The following ZNF17 variants were observed in gnomAD, a reference collection of about 807,000 sequenced individuals.
ZNF17 encodes the protein zinc finger protein 17, also known as zinc finger protein 17 (HPF3, KOX 10).
Under a neutral mutation model 7.7 loss-of-function variants are expected in ZNF17, and 4 were observed. That is an observed-to-expected ratio of 0.52 (90% CI 0.26 to 1.20). ZNF17 has a LOEUF of 1.20. Ranked by LOEUF, ZNF17 falls within the 50% of genes most tolerant of loss-of-function variation. The pLI is 0.14. For missense variants in ZNF17, 738 were observed against 799.5 expected (o/e 0.92, Z 0.93); for synonymous variants, 249 against 258.8 (o/e 0.96, Z 0.36).
chr19:57,413,672 A>G (rs2088793108), intron 2 of ZNF17, 36 bp downstream of exon 2: 4 of 1,535,440 alleles, frequency 2.6e-6, no homozygotes, highest in Non-Finnish European at 3.5e-6. Flanking sequence ...CACCCATCCC[A>G]GATGGTTTCA....
At position 57,421,765 on chromosome 19, in the gene ZNF17, T is replaced by C. The variant is rs903271957; in HGVS notation, c.*284T>C. ...GACAAGCACCGCTCTGTATGAATTT[T>C]ACTAGTCCGGGTACCTCATATAAGA... On this transcript the variant is annotated 3_prime_UTR_variant, in exon 4 of 4. Transcript: ENST00000307658. The C allele has an allele frequency of 4.4e-5, 13 of 292,616 alleles. No homozygotes were observed. Among genetic ancestry groups the C allele is most frequent in the African/African-American group, 1.7e-4 (8 of 46,126 alleles). The allele number at this position is 292,616 out of a possible 1,614,324, so 18.1% of individuals were successfully genotyped here.
In ZNF17 at chr19:57,420,605, C is replaced by T. The variant is rs1481213101; in HGVS notation, c.1119C>T (p.Cys373=). 6.2e-7 allele frequency: 1 copy of T among 1,614,088 alleles called. No individual in the cohort carries two copies. Among genetic ancestry groups the T allele is most frequent in the Admixed American group, 1.7e-5 (1 of 60,014 alleles). ...GTGGGAAATTCTTTATGGACAGCTG[C>T]ACACTCATTATTCACCAGAGAGTTC... ...CECGKFFMDS[C]TLIIHQRVHT... Residue 373 remains cysteine (C), a synonymous_variant, in exon 4 of 4, where the codon TGC becomes TGT. Coordinates refer to ENST00000307658, the MANE Select transcript of ZNF17 (RefSeq NM_001330617.2).
At position 57,421,253 on chromosome 19, in the gene ZNF17, T is replaced by C; in HGVS notation, c.1767T>C (p.Cys589=). The change falls in exon 4 of 4, where the codon TGT becomes TGC. Residue 589 remains cysteine, a synonymous_variant. Transcript: ENST00000307658. The part of the protein sequence containing the change: ...TRERTYKCSK[C]GKFFMDSSTL... Reference sequence around the variant, plus strand: ...AAAGAACTTACAAATGCAGCAAATGTGGGAAATTTTTTATGGACAGCTCCA... The same window carrying C: ...AAAGAACTTACAAATGCAGCAAATGCGGGAAATTTTTTATGGACAGCTCCA... 6.2e-7 allele frequency: 1 copy of C among 1,613,894 alleles called. No homozygotes were observed. Among genetic ancestry groups the C allele is most frequent in the Non-Finnish European group, 8.5e-7 (1 of 1,179,950 alleles).
Position 57,420,029 on chromosome 19 carries a change from T to C in ZNF17, c.543T>C (p.Gly181=). Residue 181 remains glycine (G), a synonymous_variant, in exon 4 of 4, where the codon GGT becomes GGC. Transcript: ENST00000307658. ...SGWKPHRDTH[G]VEAFQSGQNN... The stretch of plus-strand genomic sequence containing the variant: ...GGAAGCCACACAGGGACACTCATGG[T>C]GTGGAGGCCTTTCAAAGTGGACAGA... 6.2e-7 allele frequency: 1 copy of C among 1,614,186 alleles called. No individual in the cohort carries two copies. The highest frequency in any genetic ancestry group is 8.5e-7 in the Non-Finnish European group (1 of 1,180,044).
intron 1 of ZNF17, 184 bp from the exon 2 acceptor site, chr19:57,413,412 A>G (rs2088791231): frequency 1.7e-6 from 1 of 593,450 alleles, no homozygotes; most frequent in South Asian, 2.1e-5. Flanking sequence ...TTTAATCTCT[A>G]TTTTACACAT....
Position 57,419,954 on chromosome 19 carries a change from G to A in ZNF17, c.468G>A (p.Lys156=). The change falls in exon 4 of 4, where the codon AAG becomes AAA. Residue 156 remains lysine, a synonymous_variant. Coordinates refer to ENST00000307658, the MANE Select transcript of ZNF17 (RefSeq NM_001330617.2). ...KRNLTCMQGG[K]DFTGDSDLQQ... ...ACCTCACATGCATGCAGGGTGGCAAGGATTTTACTGGTGATTCAGATCTTC... is the reference window on the plus strand; with the variant it reads ...ACCTCACATGCATGCAGGGTGGCAAAGATTTTACTGGTGATTCAGATCTTC... 6.2e-7 allele frequency: 1 copy of A among 1,614,212 alleles called. No homozygotes were observed. The highest frequency in any genetic ancestry group is 8.5e-7 in the Non-Finnish European group (1 of 1,180,030).
At chr19:57,411,767 AC>A in intron 1 of ZNF17, 2 of 923,246 alleles carry the variant, frequency 2.2e-6, no homozygotes, top group Non-Finnish European at 2.7e-6. Context: ...AGGATGTTAA[AC>A]CAGGACAAGG....
chr19:57,418,006 T>C lies in ZNF17; in HGVS notation c.116T>C (p.Met39Thr), dbSNP rs755246407. The C allele has an allele frequency of 5.6e-6, 9 of 1,614,124 alleles. No individual in the cohort carries two copies. The highest frequency in any genetic ancestry group is 4.5e-5 in the East Asian group (2 of 44,874). The stretch of plus-strand genomic sequence containing the variant: ...CAGAGACACCTGCACAGCGATGTGA[T>C]GCTGGAGAACTTTGCACTTTTGTCC... ...DVQRHLHSDVMLENFALLSSV... is the reference protein window; with the variant it reads ...DVQRHLHSDVTLENFALLSSV... The change falls in exon 3 of 4, where the codon ATG (methionine) becomes ACG (threonine). Residue 39 changes from methionine (M) to threonine (T), a missense_variant. Physicochemically the swap from Met to Thr is moderately conservative, Grantham distance 81 (BLOSUM62 -1). This residue lies in a region of ZNF17 where 616 missense variants were observed against 663.9 expected (regional missense o/e 0.93). Coordinates refer to ENST00000307658, the MANE Select transcript of ZNF17 (RefSeq NM_001330617.2).
In ZNF17 at chr19:57,419,630, T is replaced by G. The variant is rs1374682040; in HGVS notation, c.149-5T>G. ...TCATGCACTTCATGAGCATTTCTGTTTTAGGTTGTTGGCATGGAGCCAAGG... is the reference window on the plus strand; with the variant it reads ...TCATGCACTTCATGAGCATTTCTGTGTTAGGTTGTTGGCATGGAGCCAAGG... On this transcript the variant is annotated splice_region_variant and splice_polypyrimidine_tract_variant and intron_variant, in intron 3 of 3. Coordinates refer to ENST00000307658, the MANE Select transcript of ZNF17 (RefSeq NM_001330617.2). 1.9e-6 allele frequency: 3 copies of G among 1,606,082 alleles called. No homozygotes were observed. Among genetic ancestry groups the G allele is most frequent in the Non-Finnish European group, 2.6e-6 (3 of 1,174,670 alleles).
At chr19:57,412,791 A>C (rs1291904712) in intron 1 of ZNF17, among the ~76,000 whole-genome samples, 1 of 152,056 alleles carries the variant, frequency 6.6e-6, no homozygotes, top group Non-Finnish European at 1.5e-5. Context: ...GTATCCTTCT[A>C]AATATGTACA....
At chr19:57,416,003 A>G (rs2088809261) in intron 2 of ZNF17, among the ~76,000 whole-genome samples, 1 of 152,000 alleles carries the variant, frequency 6.6e-6, no homozygotes, top group Admixed American at 6.6e-5. Context: ...TGGGGGATAG[A>G]GAAAGTCGTG....
rs2088792501 is a variant in ZNF17 at position 57,413,600 on chromosome 19, C to T, written c.-16C>T. 1.3e-6 allele frequency: 2 copies of T among 1,536,058 alleles called. No homozygotes were observed. The highest frequency in any genetic ancestry group is 1.7e-6 in the Non-Finnish European group (2 of 1,146,930). On this transcript the variant is annotated 5_prime_UTR_variant, in exon 2 of 4. Coordinates refer to ENST00000307658, the MANE Select transcript of ZNF17 (RefSeq NM_001330617.2). The stretch of plus-strand genomic sequence containing the variant: ...ATGGCCTGCCTCTTCCCACAGGGTT[C>T]ATAGCAGTGGCAGCAATGCTTATGG...
In ZNF17 at chr19:57,411,345, C is replaced by T. The variant is rs12974211; in HGVS notation, c.-82C>T. The T allele has an allele frequency of 1.2e-6, 2 of 1,605,304 alleles. No homozygotes were observed. Among genetic ancestry groups the T allele is most frequent in the Non-Finnish European group, 1.7e-6 (2 of 1,175,792 alleles). ...CCTCTGTCAGCGTCCAGGTCACTGCCGCTCCCGCCCCGCTCTTCCCTGGCT... is the reference window on the plus strand; with the variant it reads ...CCTCTGTCAGCGTCCAGGTCACTGCTGCTCCCGCCCCGCTCTTCCCTGGCT... On this transcript the variant is annotated 5_prime_UTR_variant, in exon 1 of 4. Coordinates refer to ENST00000307658, the MANE Select transcript of ZNF17 (RefSeq NM_001330617.2).
chr19:57,418,634 T>A lies in ZNF17; in HGVS notation c.148+596T>A, dbSNP rs138686187. Among the ~76,000 whole-genome samples, 569 of 152,236 alleles carry A rather than the reference T, an allele frequency of 3.7e-3. 2 individuals are homozygous for A. Among genetic ancestry groups the A allele is most frequent in the Middle Eastern group, 0.01 (3 of 294 alleles). ...CCCTGGGTGCCTGACAGAGTGGACA[T>A]TACTCCATTGAAGGCAAGAGATGCT... On this transcript the variant is annotated intron_variant, in intron 3 of 3. Coordinates refer to ENST00000307658, the MANE Select transcript of ZNF17 (RefSeq NM_001330617.2).
intron 1 of ZNF17, chr19:57,411,630 C>CT (rs2088777558): frequency 7.3e-7 from 1 of 1,373,074 alleles, no homozygotes; most frequent in Non-Finnish European, 9.4e-7. Flanking sequence ...GCCCGAGCGT[C>CT]TTTGTCTCCA....
rs562494055 is a variant in ZNF17, at chr19:57,421,542, A to C, written c.*61A>C. 38 of 1,505,862 alleles carry C rather than the reference A, an allele frequency of 2.5e-5. No homozygotes were observed. Among genetic ancestry groups the C allele is most frequent in the Non-Finnish European group, 3.1e-5 (35 of 1,123,518 alleles). 93.3% of individuals were successfully genotyped at this position (1,505,862 alleles called of 1,614,324 possible). ...ACACAGAAATCTACTCTGATTTAGCACTGGGACCTACGTTTTAAAAAAAGT... is the reference window on the plus strand; with the variant it reads ...ACACAGAAATCTACTCTGATTTAGCCCTGGGACCTACGTTTTAAAAAAAGT... On this transcript the variant is annotated 3_prime_UTR_variant, in exon 4 of 4. Coordinates refer to ENST00000307658, the MANE Select transcript of ZNF17 (RefSeq NM_001330617.2).
In ZNF17 at chr19:57,421,197, C is replaced by A; in HGVS notation, c.1711C>A (p.Leu571Ile). The A allele has an allele frequency of 6.2e-7, 1 of 1,614,100 alleles. No individual in the cohort carries two copies. The highest frequency in any genetic ancestry group is 8.5e-7 in the Non-Finnish European group (1 of 1,180,026). ...CGRVFSQNSH[L>I]IRHQKVHTRE... ...GAGAGTTTTTAGCCAAAATTCCCAC[C>A]TCATTCGGCACCAAAAAGTTCACAC... is the stretch of plus-strand genomic sequence containing the variant. Residue 571 changes from leucine to isoleucine, a missense_variant, in exon 4 of 4, where the codon CTC (leucine) becomes ATC (isoleucine). Transcript: ENST00000307658.
At chr19:57,414,586 C>G (rs2088799726) in intron 2 of ZNF17, among the ~76,000 whole-genome samples, 1 of 152,114 alleles carries the variant, frequency 6.6e-6, no homozygotes, top group African/African-American at 2.4e-5. Context: ...CTGCCTGCCT[C>G]AGCCTCCCAA....
chr19:57,414,587 A>G (rs2088799746), intron 2 of ZNF17, among the ~76,000 whole-genome samples: 1 of 151,872 alleles, frequency 6.6e-6, no homozygotes, highest in South Asian at 2.1e-4. Context: ...TGCCTGCCTC[A>G]GCCTCCCAAA....
Sources: gnomAD v4.1 joint callset for allele counts (sites outside exome capture counted in the v4.1 genomes callset) on GRCh38, gnomAD v4.1.1 for gene constraint, gnomAD v4.1.1 regional missense constraint, MANE v1.5 for transcripts, NCBI Gene and HGNC (gene_info 2026-07-23, HGNC 2026-07-21) for gene names.